Variants in SPAG6 observed in about 807,000 individuals in gnomAD.
The protein encoded by SPAG6 is sperm associated antigen 6.
Under a neutral mutation model 58.5 loss-of-function variants are expected in SPAG6, and 49 were observed. The observed-to-expected ratio is 0.84, with a 90% confidence interval of 0.67 to 1.06. The LOEUF (loss-of-function observed/expected upper bound fraction) is 1.06. SPAG6 is among the 50% of genes least tolerant of loss of function. SPAG6 has a pLI of 0.00. For synonymous variants in SPAG6, 233 were observed against 225.6 expected, an observed-to-expected ratio of 1.03 and a Z score of -0.29; for missense variants, 560 against 611.3, an observed-to-expected ratio of 0.92 and a Z score of 0.89.
At chr10:22,374,335 C>G (rs2132062570) in intron 4 of SPAG6, among the ~76,000 whole-genome samples, 2 of 152,232 alleles carry the variant, frequency 1.3e-5, no homozygotes, top group South Asian at 4.1e-4. Context: ...GTGTGTGGGA[C>G]TTTATAATCT....
rs1836682694 is a variant in SPAG6 at position 22,350,249 on chromosome 10, A to G, written c.121+4431A>G. Reference sequence around the variant, plus strand: ...AGTGGAAAATATGCCAAGGAGCTATACACATTCTGTCTTTGTATATGCACC... The same window carrying G: ...AGTGGAAAATATGCCAAGGAGCTATGCACATTCTGTCTTTGTATATGCACC... On this transcript the variant is annotated intron_variant, in intron 2 of 10. Transcript: ENST00000376624. 2.6e-5 allele frequency among the ~76,000 whole-genome samples: 4 copies of G among 152,172 alleles called. No homozygotes were observed. In the South Asian group the frequency reaches 8.3e-4, roughly 31 times the overall value.
chr10:22,378,953 G>A (rs1054485292), intron 4 of SPAG6, among the ~76,000 whole-genome samples: 20 of 151,996 alleles, frequency 1.3e-4, no homozygotes, highest in Admixed American at 9.8e-4. Flanking sequence ...GAATTATTTC[G>A]CCTTTAAAGC....
At chr10:22,389,381 C>A (rs1834136097) in intron 7 of SPAG6, 69 bp downstream of exon 7, 1 of 1,485,022 alleles carries the variant, frequency 6.7e-7, no homozygotes, top group Non-Finnish European at 9.3e-7. Context: ...GATTAATGTT[C>A]TCCAACAGAA....
intron 2 of SPAG6, among the ~76,000 whole-genome samples, chr10:22,348,923 C>T (rs1836642416): frequency 6.6e-6 from 1 of 152,138 alleles, no homozygotes; most frequent in Non-Finnish European, 1.5e-5. Flanking sequence ...ACCTCTGCCT[C>T]CCAGGCTCAA....
chr10:22,412,751 T>G, intron 10 of SPAG6: 1 of 284,578 alleles, frequency 3.5e-6, no homozygotes, highest in South Asian at 6.8e-5. Context: ...TTTTGTAGTT[T>G]TAGTAGAGAC....
At chr10:22,389,114 A>G in intron 6 of SPAG6, 46 bp from the exon 7 acceptor site, 1 of 1,562,202 alleles carries the variant, frequency 6.4e-7, no homozygotes, top group Non-Finnish European at 8.8e-7. Context: ...GTATTTAAAG[A>G]CCATCATAGG....
At chr10:22,351,395 T>C (rs1836724339) in intron 2 of SPAG6, among the ~76,000 whole-genome samples, 1 of 152,164 alleles carries the variant, frequency 6.6e-6, no homozygotes, top group Non-Finnish European at 1.5e-5. Context: ...GGAACCGAGG[T>C]AGTCCTGCAG....
At chr10:22,367,535 A>G (rs1837231582) in intron 3 of SPAG6, among the ~76,000 whole-genome samples, 1 of 152,170 alleles carries the variant, frequency 6.6e-6, no homozygotes, top group Non-Finnish European at 1.5e-5. Flanking sequence ...GCTGTAGTCA[A>G]CTAGTCACTT....
At chr10:22,416,335 ATT>A (rs1014476681) in intron 10 of SPAG6, among the ~76,000 whole-genome samples, 1 of 152,136 alleles carries the variant, frequency 6.6e-6, no homozygotes, top group Non-Finnish European at 1.5e-5. Context: ...GTAATAAAAT[ATT>A]GTCAGTGGAT....
At chr10:22,405,097 C>A (rs1188633008) in intron 9 of SPAG6, among the ~76,000 whole-genome samples, 2 of 152,214 alleles carry the variant, frequency 1.3e-5, no homozygotes, top group Non-Finnish European at 2.9e-5. Flanking sequence ...GACAGTTTGA[C>A]TTCTTCTTTT....
At chr10:22,365,464 G>A (rs1803964271) in intron 3 of SPAG6, among the ~76,000 whole-genome samples, 1 of 152,128 alleles carries the variant, frequency 6.6e-6, no homozygotes, top group African/African-American at 2.4e-5. Flanking sequence ...TGTAATGGAA[G>A]GTTTGATAAA....
At chr10:22,378,682 A>T (rs1796098744) in intron 4 of SPAG6, among the ~76,000 whole-genome samples, 1 of 152,036 alleles carries the variant, frequency 6.6e-6, no homozygotes, top group African/African-American at 2.4e-5. Context: ...AGTGGTGGGG[A>T]TGGGAGCTAA....
intron 2 of SPAG6, among the ~76,000 whole-genome samples, chr10:22,363,320 A>G (rs1005515872): frequency 1.3e-5 from 2 of 152,164 alleles, no homozygotes; most frequent in African/African-American, 4.8e-5. Flanking sequence ...TCTGTGCTTT[A>G]AACTTTTGTT....
chr10:22,368,865 A>G (rs937499308), intron 4 of SPAG6, among the ~76,000 whole-genome samples, 187 bp downstream of exon 4: 14 of 152,006 alleles, frequency 9.2e-5, no homozygotes, highest in Non-Finnish European at 1.8e-4. Flanking sequence ...AAAACCCTAT[A>G]TATTTCAGTC....
chr10:22,396,683 A>G (rs1834300595), intron 8 of SPAG6, among the ~76,000 whole-genome samples: 1 of 149,712 alleles, frequency 6.7e-6, no homozygotes, highest in South Asian at 2.1e-4. Context: ...GTTAATTGCT[A>G]TTTTTATGTG....
intron 7 of SPAG6, among the ~76,000 whole-genome samples, chr10:22,390,033 A>G (rs972497751): frequency 2.6e-5 from 4 of 152,186 alleles, no homozygotes; most frequent in African/African-American, 9.6e-5. Context: ...TTATCAGCAT[A>G]GAAAACCTGC....
At chr10:22,396,196 A>G (rs1834288569) in intron 8 of SPAG6, among the ~76,000 whole-genome samples, 1 of 152,130 alleles carries the variant, frequency 6.6e-6, no homozygotes. Flanking sequence ...CCCCAGCCAA[A>G]TCTCATCTTG....
intron 3 of SPAG6, among the ~76,000 whole-genome samples, chr10:22,367,121 T>C (rs1318374398): frequency 2.0e-5 from 3 of 151,930 alleles, no homozygotes; most frequent in South Asian, 2.1e-4. Context: ...GTGTTAGTTA[T>C]AGGCACTGGA....
chr10:22,386,253 C>A (rs1448652799), intron 4 of SPAG6, among the ~76,000 whole-genome samples: 1 of 151,906 alleles, frequency 6.6e-6, no homozygotes, highest in African/African-American at 2.4e-5. Flanking sequence ...TTTAAAAAAT[C>A]TTTTAAAAGT....
Sources: allele counts gnomAD v4.1 joint callset (sites outside exome capture counted in the v4.1 genomes callset), GRCh38; gene constraint gnomAD v4.1.1; transcripts MANE v1.5; gene names NCBI Gene and HGNC (gene_info 2026-07-23, HGNC 2026-07-21).